ZNF423: variants seen among roughly 807,000 people sequenced by gnomAD.
The protein encoded by ZNF423 is zinc finger protein 423.
In ZNF423, 12 loss-of-function variants were observed where a neutral mutation model predicts 95.8. The ratio of observed to expected loss-of-function variants is 0.13; its 90% CI spans 0.08 to 0.20. ZNF423 has a LOEUF of 0.20. Among genes scored for constraint, ZNF423 ranks in the 10% least tolerant of loss-of-function variants. The probability of loss-of-function intolerance (pLI) is 1.00; values close to 1 mark genes in which losing one functional copy is unlikely to be tolerated. For synonymous variants in ZNF423, 749 were observed against 711.9 expected (o/e 1.05, Z -0.83); for missense variants, 1,316 against 1,737.1 (o/e 0.76, Z 4.31).
At chr16:49,589,490 G>A (rs1387107444) in intron 5 of ZNF423, among the ~76,000 whole-genome samples, 1 of 149,534 alleles carries the variant, frequency 6.7e-6, no homozygotes, top group Non-Finnish European at 1.5e-5. Flanking sequence ...GTTCAATGGA[G>A]TACTTTGATT....
intron 3 of ZNF423, among the ~76,000 whole-genome samples, chr16:49,660,170 C>T (rs1340160032): frequency 6.6e-6 from 1 of 152,162 alleles, no homozygotes; most frequent in Non-Finnish European, 1.5e-5. Context: ...TCCCTGGGAG[C>T]CCCCACAAGG....
At chr16:49,705,972 A>C (rs979354762) in intron 3 of ZNF423, among the ~76,000 whole-genome samples, 9 of 152,164 alleles carry the variant, frequency 5.9e-5, no homozygotes, top group African/African-American at 2.2e-4. Context: ...ATCTGTGTAG[A>C]GGTCAGGAAA....
At chr16:49,815,923 T>A (rs866140419) in intron 1 of ZNF423, among the ~76,000 whole-genome samples, 434 of 81,950 alleles carry the variant, frequency 5.3e-3, no homozygotes, top group South Asian at 0.026. Context: ...TATTTTTTTT[T>A]TTTTTTTTTT....
intron 3 of ZNF423, among the ~76,000 whole-genome samples, chr16:49,721,353 C>T (rs571348261): frequency 6.6e-6 from 1 of 152,240 alleles, no homozygotes; most frequent in South Asian, 2.1e-4. Flanking sequence ...TTCACGGCCC[C>T]GAATACACAG....
chr16:49,838,498 C>T (rs1225247354), intron 1 of ZNF423, among the ~76,000 whole-genome samples: 2 of 152,202 alleles, frequency 1.3e-5, no homozygotes, highest in African/African-American at 4.8e-5. Flanking sequence ...AGGGAATGGC[C>T]CTGCGGCTGT....
At chr16:49,656,120 G>A (rs988293582) in intron 3 of ZNF423, among the ~76,000 whole-genome samples, 8 of 152,210 alleles carry the variant, frequency 5.3e-5, no homozygotes, top group Admixed American at 4.6e-4. Context: ...CCCACGTTGG[G>A]GCAGTGTAGG....
intron 1 of ZNF423, among the ~76,000 whole-genome samples, chr16:49,853,424 C>A (rs2035323357): frequency 6.6e-6 from 1 of 152,148 alleles, no homozygotes; most frequent in Non-Finnish European, 1.5e-5. Context: ...CTCTTCACCC[C>A]AGTAAACAGA....
At chr16:49,788,883 G>C (rs2034362864) in intron 2 of ZNF423, among the ~76,000 whole-genome samples, 1 of 152,198 alleles carries the variant, frequency 6.6e-6, no homozygotes, top group Non-Finnish European at 1.5e-5. Context: ...TCATGGGAAG[G>C]CTCCAAGCTA....
rs1966895443 is a variant in ZNF423 at position 49,489,717 on chromosome 16, C to G, written c.*1558G>C. Reference sequence around the variant, plus strand: ...TGCAATCTGTCTGCCTGTTTCATTTCCGCTCTGCAGAGGGTAATAACCAAT... The same window carrying G: ...TGCAATCTGTCTGCCTGTTTCATTTGCGCTCTGCAGAGGGTAATAACCAAT... On this transcript the variant is annotated 3_prime_UTR_variant, in exon 8 of 8. Coordinates refer to ENST00000563137, the MANE Select transcript of ZNF423 (RefSeq NM_001379286.1). 1 of 152,226 alleles carries G rather than the reference C, an allele frequency of 6.6e-6. No individual in the cohort carries two copies. Among genetic ancestry groups the G allele is most frequent in the Non-Finnish European group, 1.5e-5 (1 of 68,052 alleles). The allele number at this position is 152,226 out of a possible 1,614,324, so 9.4% of individuals were successfully genotyped here.
intron 5 of ZNF423, among the ~76,000 whole-genome samples, chr16:49,591,204 G>A (rs117921175): frequency 6.6e-6 from 1 of 151,546 alleles, no homozygotes; most frequent in East Asian, 2.0e-4. Flanking sequence ...GATGAGCATT[G>A]TAACTCCACT....
At chr16:49,540,538 C>T (rs1211557354) in intron 5 of ZNF423, among the ~76,000 whole-genome samples, 3 of 152,136 alleles carry the variant, frequency 2.0e-5, no homozygotes, top group Admixed American at 1.3e-4. Context: ...ACCTCGGCCT[C>T]CCCATGTGCT....
intron 3 of ZNF423, among the ~76,000 whole-genome samples, chr16:49,724,324 G>C (rs1567312261): frequency 6.6e-6 from 1 of 152,212 alleles, no homozygotes; most frequent in African/African-American, 2.4e-5. Context: ...CTGCATGCAG[G>C]AAAACTCTTA....
At position 49,751,014 on chromosome 16, in the gene ZNF423, G is replaced by A. The variant is rs1031652790; in HGVS notation, c.101-20043C>T. On this transcript the variant is annotated intron_variant, in intron 2 of 7. Transcript: ENST00000563137. ...GAGGCCCGACGGCGACGAAAGGCCC[G>A]AGGAAGGCCCAGGACACGCCATCAA... Among the ~76,000 whole-genome samples the A allele has an allele frequency of 5.9e-5, 9 of 152,234 alleles. No individual in the cohort carries two copies. The East Asian group carries it at 1.2e-3, about 20-fold the overall frequency.
intron 2 of ZNF423, among the ~76,000 whole-genome samples, chr16:49,755,282 C>G (rs2033705167): frequency 6.6e-6 from 1 of 152,214 alleles, no homozygotes; most frequent in Non-Finnish European, 1.5e-5. Context: ...ACCTTCCTCC[C>G]TCGGTCATTA....
At chr16:49,491,884 G>C (rs969259276) in intron 7 of ZNF423, among the ~76,000 whole-genome samples, 1 of 152,196 alleles carries the variant, frequency 6.6e-6, no homozygotes, top group Non-Finnish European at 1.5e-5. Flanking sequence ...CAGGTCACCC[G>C]GCAGGAAGAC....
chr16:49,707,854 G>T (rs8046972), intron 3 of ZNF423, among the ~76,000 whole-genome samples: 44,276 of 151,618 alleles, frequency 0.29, 6,807 homozygotes, highest in South Asian at 0.44. Flanking sequence ...GCTCTGTCAC[G>T]CAGGCTAATG....
At chr16:49,857,596 TC>T (rs2035385236), upstream of ZNF423, 1 of 152,272 alleles carries the variant, frequency 6.6e-6, no homozygotes, top group South Asian at 2.1e-4. The surrounding 1 kb of genome is among the most constrained non-coding windows in gnomAD (Gnocchi z 6.2). Context: ...TGCCCACCGG[TC>T]GGTGTTCAAA....
At chr16:49,751,769 C>A (rs893798515) in intron 2 of ZNF423, among the ~76,000 whole-genome samples, 1 of 152,148 alleles carries the variant, frequency 6.6e-6, no homozygotes, top group African/African-American at 2.4e-5. Flanking sequence ...GGGCTCTGCT[C>A]CCCAAAATAA....
chr16:49,660,834 G>C (rs558381396), intron 3 of ZNF423, among the ~76,000 whole-genome samples: 80 of 151,768 alleles, frequency 5.3e-4, no homozygotes, highest in African/African-American at 1.9e-3. Flanking sequence ...GGCAGGGTGT[G>C]GGGGGATGGG....
Sources: allele counts gnomAD v4.1 joint callset (sites outside exome capture counted in the v4.1 genomes callset), GRCh38; gene constraint gnomAD v4.1.1; non-coding constraint Gnocchi (gnomAD v3.1); transcripts MANE v1.5; gene names NCBI Gene and HGNC (gene_info 2026-07-23, HGNC 2026-07-21).